The following NEGR1 variants were observed in gnomAD, a reference collection of about 807,000 sequenced individuals.
The protein encoded by NEGR1 is IgLON family member 4.
A neutral mutation model predicts 40.9 loss-of-function variants in NEGR1; 10 were observed. That is an observed-to-expected ratio of 0.24 (90% CI 0.15 to 0.42). The LOEUF (loss-of-function observed/expected upper bound fraction) is 0.42. NEGR1 is among the 10% of genes least tolerant of loss of function. The probability of loss-of-function intolerance (pLI) is 1.00; values close to 1 mark genes in which losing one functional copy is unlikely to be tolerated. For synonymous variants in NEGR1, 185 were observed against 166.8 expected (o/e 1.11, Z -0.84); for missense variants, 352 against 438.9 (o/e 0.80, Z 1.77).
chr1:71,800,372 T>C (rs1657511792), intron 2 of NEGR1, among the ~76,000 whole-genome samples: 1 of 152,230 alleles, frequency 6.6e-6, no homozygotes, highest in East Asian at 1.9e-4. Flanking sequence ...TTTGTCAATT[T>C]TGGCTTTTGT....
intron 1 of NEGR1, among the ~76,000 whole-genome samples, chr1:72,144,418 TATAAGAAACACTGTTAAAAACAG>T (rs1293026779): frequency 6.6e-6 from 1 of 151,938 alleles, no homozygotes; most frequent in Non-Finnish European, 1.5e-5. Flanking sequence ...ATCATAAAAC[TATAAGAAACACTGTTAAAAACAG>T]ATAACAAACT....
chr1:72,262,476 C>T (rs190290325), intron 1 of NEGR1, among the ~76,000 whole-genome samples: 299 of 152,030 alleles, frequency 2.0e-3, no homozygotes, highest in Admixed American at 5.4e-3. Context: ...TTCCTGTTTC[C>T]ACTTGTTTAC....
chr1:71,528,556 C>T (rs982527), intron 6 of NEGR1, among the ~76,000 whole-genome samples: 38,475 of 150,988 alleles, frequency 0.25, 6,266 homozygotes, highest in East Asian at 0.61. Context: ...AGTAAACTAG[C>T]AAAGTGAAAA....
At chr1:71,668,466 G>A (rs1159222129) in intron 4 of NEGR1, among the ~76,000 whole-genome samples, 1 of 152,110 alleles carries the variant, frequency 6.6e-6, no homozygotes, top group Non-Finnish European at 1.5e-5. Context: ...AAAAGTTAGG[G>A]TTAGGGCTCA....
intron 1 of NEGR1, among the ~76,000 whole-genome samples, chr1:72,113,515 T>C (rs1649461271): frequency 6.6e-6 from 1 of 151,278 alleles, no homozygotes; most frequent in Admixed American, 6.6e-5. Context: ...TGTTTAGAAA[T>C]ATGTGTTTGT....
rs34844215 is a variant in NEGR1 at position 71,571,787 on chromosome 1, CAAAAA to C, written c.940+21025_940+21029del. 6.6e-5 allele frequency among the ~76,000 whole-genome samples: 7 copies of C among 106,506 alleles called. 1 individual carries two copies. Among genetic ancestry groups the C allele is most frequent in the African/African-American group, 1.5e-4 (4 of 27,290 alleles). The allele number at this position is 106,506 out of a possible 152,430, so 69.9% of individuals were successfully genotyped here. A position where few individuals can be genotyped will look rare whatever the true frequency, so the allele number is the denominator to read the frequency against. On this transcript the variant is annotated intron_variant, in intron 6 of 6. Coordinates refer to ENST00000357731, the MANE Select transcript of NEGR1 (RefSeq NM_173808.3). ...TGGGTGACAGAGGGAGCCCCTGTCTCAAAAAAAAAAAAAAAAAAAAAATCTGAAAT... is the reference window on the plus strand; with the variant it reads ...TGGGTGACAGAGGGAGCCCCTGTCTCAAAAAAAAAAAAAAAAATCTGAAAT...
At chr1:71,790,548 G>T (rs902233789) in intron 2 of NEGR1, among the ~76,000 whole-genome samples, 2 of 151,732 alleles carry the variant, frequency 1.3e-5, no homozygotes, top group Non-Finnish European at 2.9e-5. Flanking sequence ...GGAAGGAGAA[G>T]AGTATTTGCA....
chr1:71,798,519 C>G (rs1657424560), intron 2 of NEGR1, among the ~76,000 whole-genome samples: 1 of 152,126 alleles, frequency 6.6e-6, no homozygotes, highest in African/African-American at 2.4e-5. Context: ...AAGAACTATT[C>G]TAACTATTTA....
At chr1:71,733,860 C>T (rs965347980) in intron 3 of NEGR1, among the ~76,000 whole-genome samples, 3 of 152,186 alleles carry the variant, frequency 2.0e-5, no homozygotes, top group African/African-American at 7.2e-5. Context: ...TGATGTGCTA[C>T]ATCTTCCCCC....
At chr1:71,765,038 G>A (rs955406320) in intron 3 of NEGR1, among the ~76,000 whole-genome samples, 4 of 151,896 alleles carry the variant, frequency 2.6e-5, no homozygotes, top group Admixed American at 2.6e-4. Flanking sequence ...CAAAAAAAGG[G>A]CATGGTCACC....
rs552126602 is a variant in NEGR1, at chr1:71,912,563, G to A, written c.409+22516C>T. Among the ~76,000 whole-genome samples, 8 of 152,258 alleles carry A rather than the reference G, an allele frequency of 5.3e-5. No individual in the cohort carries two copies. The South Asian group carries it at 8.3e-4, about 16-fold the overall frequency. ...GTCTACTACAGCTACTCTGATAAAC[G>A]TCATTCTTACAGGATCCTGTCTGCA... On this transcript the variant is annotated intron_variant, in intron 2 of 6. Coordinates refer to ENST00000357731, the MANE Select transcript of NEGR1 (RefSeq NM_173808.3).
intron 6 of NEGR1, among the ~76,000 whole-genome samples, chr1:71,487,352 T>C (rs1214899605): frequency 2.0e-5 from 3 of 151,734 alleles, no homozygotes; most frequent in Non-Finnish European, 4.4e-5. Flanking sequence ...ATGATTTTAG[T>C]ATAATATCTG....
chr1:71,888,047 A>G (rs1660777562), intron 2 of NEGR1, among the ~76,000 whole-genome samples: 2 of 151,766 alleles, frequency 1.3e-5, no homozygotes, highest in Non-Finnish European at 2.9e-5. Flanking sequence ...CTCTAGAATA[A>G]AAAGCTCATG....
At chr1:72,130,313 A>G (rs926983688) in intron 1 of NEGR1, among the ~76,000 whole-genome samples, 6 of 152,174 alleles carry the variant, frequency 3.9e-5, no homozygotes, top group Admixed American at 3.9e-4. Context: ...AAACACTGAA[A>G]TATCAACCAG....
intron 3 of NEGR1, among the ~76,000 whole-genome samples, chr1:71,732,488 A>T (rs957920047): frequency 6.5e-5 from 8 of 123,008 alleles, no homozygotes; most frequent in Admixed American, 5.9e-4. Flanking sequence ...CACATTACTG[A>T]ATGCTGTGTG....
At chr1:71,702,626 T>G (rs1342489620) in intron 3 of NEGR1, among the ~76,000 whole-genome samples, 1 of 151,770 alleles carries the variant, frequency 6.6e-6, no homozygotes, top group African/African-American at 2.4e-5. Flanking sequence ...ATATTACATT[T>G]TAAAAGATAA....
intron 6 of NEGR1, among the ~76,000 whole-genome samples, chr1:71,532,159 C>T (rs908691925): frequency 1.3e-5 from 2 of 151,528 alleles, no homozygotes; most frequent in Non-Finnish European, 3.0e-5. Context: ...AGCCAACATT[C>T]AGAATGAACT....
At chr1:71,488,774 C>T (rs184303478) in intron 6 of NEGR1, among the ~76,000 whole-genome samples, 1 of 151,746 alleles carries the variant, frequency 6.6e-6, no homozygotes, top group Admixed American at 6.6e-5. Context: ...TTATCTTGGA[C>T]TGTCTGTTTC....
chr1:71,446,870 T>C (rs1646586206), intron 6 of NEGR1, among the ~76,000 whole-genome samples: 1 of 152,212 alleles, frequency 6.6e-6, no homozygotes, highest in South Asian at 2.1e-4. Context: ...TGTTTTAACT[T>C]TAAATAAATA....
Sources: allele counts gnomAD v4.1 joint callset (sites outside exome capture counted in the v4.1 genomes callset), GRCh38; gene constraint gnomAD v4.1.1; transcripts MANE v1.5; gene names NCBI Gene and HGNC (gene_info 2026-07-23, HGNC 2026-07-21).